PCDHGA4: variants seen among roughly 807,000 people sequenced by gnomAD.
PCDHGA4 encodes protocadherin gamma-A4.
In PCDHGA4, 38 loss-of-function variants were observed where a neutral mutation model predicts 54.6. The observed-to-expected ratio is 0.70, with a 90% CI of 0.54 to 0.91. The LOEUF (loss-of-function observed/expected upper bound fraction) is 0.91. PCDHGA4 is among the 40% of genes least tolerant of loss of function. The pLI, the probability that PCDHGA4 is intolerant of heterozygous loss-of-function variation, is 0.00. For missense variants in PCDHGA4, 1,298 were observed against 1,220.9 expected (o/e 1.06, Z -0.94); for synonymous variants, 511 against 512.9 (o/e 1.00, Z 0.05).
At chr5:141,382,188 C>A (rs1009846367) in intron 1 of PCDHGA4, among the ~76,000 whole-genome samples, 4 of 152,052 alleles carry the variant, frequency 2.6e-5, no homozygotes, top group Non-Finnish European at 4.4e-5. Context: ...AGGTTCTATA[C>A]AATCAAAAAT....
chr5:141,417,791 C>G, intron 1 of PCDHGA4: 1 of 1,482,658 alleles, frequency 6.7e-7, no homozygotes, highest in Non-Finnish European at 9.0e-7. Context: ...GCCGAATGCT[C>G]TTTTAGCGCG....
intron 1 of PCDHGA4, chr5:141,441,889 GT>G: frequency 2.9e-6 from 1 of 346,022 alleles, no homozygotes; most frequent in South Asian, 2.6e-5. Flanking sequence ...GGTCACCAAG[GT>G]GGTGGCTGTA....
At chr5:141,410,049 T>A in intron 1 of PCDHGA4, 1 of 1,613,184 alleles carries the variant, frequency 6.2e-7, no homozygotes, top group Admixed American at 1.7e-5. Flanking sequence ...GAGCCCGGAC[T>A]CTTCAGCCTG....
At chr5:141,370,462 C>G in intron 1 of PCDHGA4, 12 of 1,612,864 alleles carry the variant, frequency 7.4e-6, no homozygotes, top group Non-Finnish European at 8.5e-6. Context: ...TTCCTGCTCT[C>G]TTTGTTAGAC....
Position 141,421,259 on chromosome 5 carries a change from G to C in PCDHGA4, c.2514+63638G>C. The C allele has an allele frequency of 6.2e-7, 1 of 1,609,254 alleles. No individual in the cohort carries two copies. The highest frequency in any genetic ancestry group is 8.5e-7 in the Non-Finnish European group (1 of 1,178,538). The stretch of plus-strand genomic sequence containing the variant: ...AATCGGCTACAGCGCGGGGACCGCA[G>C]TCGGCTGCTGCTGCTGCTGTGCATT... On this transcript the variant is annotated intron_variant, in intron 1 of 3. Transcript: ENST00000571252.
intron 1 of PCDHGA4, chr5:141,360,957 C>G: frequency 1.2e-6 from 2 of 1,613,904 alleles, no homozygotes; most frequent in Non-Finnish European, 1.7e-6. Context: ...AAGGCATAAA[C>G]GCAGAGATCA....
chr5:141,428,111 C>G (rs760446304), intron 1 of PCDHGA4: 2 of 1,607,622 alleles, frequency 1.2e-6, no homozygotes, highest in Non-Finnish European at 1.7e-6. Context: ...TGCTGCAGGC[C>G]ATCGAGCCCG....
At chr5:141,434,691 A>G (rs1263712056) in intron 1 of PCDHGA4, among the ~76,000 whole-genome samples, 2 of 152,150 alleles carry the variant, frequency 1.3e-5, no homozygotes. Flanking sequence ...GCTTGCTGTT[A>G]ATAAATATGT....
At chr5:141,427,890 G>A in intron 1 of PCDHGA4, 1 of 1,566,844 alleles carries the variant, frequency 6.4e-7, no homozygotes, top group Non-Finnish European at 8.7e-7. Flanking sequence ...CCACGACCAG[G>A]GCTCGCCCGC....
At chr5:141,377,569 C>A (rs1774120455) in intron 1 of PCDHGA4, 1 of 151,048 alleles carries the variant, frequency 6.6e-6, no homozygotes, top group African/African-American at 2.4e-5. Context: ...GCACCCTAGC[C>A]TGGGAGACAG....
rs147534370 is a variant in PCDHGA4 at position 141,511,170 on chromosome 5, G to A, written c.2886G>A (p.Lys962=). ...AGAAGTCGGGCAAGAAGGAGAAGAA[G>A]TAACATGGAGGCCAGGCCAAGAGCC... ...NKKKSGKKEK[K] The change falls in exon 4 of 4, where the codon AAG becomes AAA. Residue 962 remains lysine (K), a synonymous_variant. Coordinates refer to ENST00000571252, the MANE Select transcript of PCDHGA4 (RefSeq NM_018917.4). 1.9e-6 allele frequency: 3 copies of A among 1,613,988 alleles called. No homozygotes were observed. The highest frequency in any genetic ancestry group is 2.5e-6 in the Non-Finnish European group (3 of 1,179,990).
At position 141,357,235 on chromosome 5, in the gene PCDHGA4, A is replaced by C; in HGVS notation, c.2128A>C (p.Lys710Gln). Reference protein sequence around the residue: ...PDVLADLGSLKPSADPDDSGL... With the variant: ...PDVLADLGSLQPSADPDDSGL... ...TGTCCTGGCTGACTTGGGCAGCCTC[A>C]AGCCTTCAGCAGACCCAGACGACTC... Residue 710 changes from lysine (K) to glutamine (Q), a missense_variant, in exon 1 of 4, where the codon AAG becomes CAG. Transcript: ENST00000571252. The C allele has an allele frequency of 6.2e-7, 1 of 1,613,530 alleles. No homozygotes were observed. The highest frequency in any genetic ancestry group is 8.5e-7 in the Non-Finnish European group (1 of 1,179,758).
intron 1 of PCDHGA4, among the ~76,000 whole-genome samples, chr5:141,457,289 G>A (rs907200077): frequency 2.0e-5 from 3 of 152,146 alleles, no homozygotes; most frequent in Non-Finnish European, 4.4e-5. Context: ...GAAGTTCCTT[G>A]GTTTTATTTT....
chr5:141,376,763 T>A (rs1300525391), intron 1 of PCDHGA4: 1 of 425,102 alleles, frequency 2.4e-6, no homozygotes. Context: ...CTCGGCTCAC[T>A]GCAAGCTCCG....
intron 1 of PCDHGA4, chr5:141,400,483 C>G (rs748464990): frequency 1.4e-5 from 22 of 1,613,902 alleles, no homozygotes; most frequent in Non-Finnish European, 1.7e-5. Context: ...GGCCTTATTT[C>G]CACTTTGTAA....
At position 141,355,944 on chromosome 5, in the gene PCDHGA4, C is replaced by A; in HGVS notation, c.837C>A (p.His279Gln). The change falls in exon 1 of 4, where the codon CAC becomes CAA. Residue 279 changes from histidine (H) to glutamine (Q), a missense_variant. Coordinates refer to ENST00000571252, the MANE Select transcript of PCDHGA4 (RefSeq NM_018917.4). ...CCGTGTTCACTCAGCCCGAGTACCA[C>A]GTAAGTGTTCGTGAGAACGTTCCTG... Reference protein sequence around the residue: ...NAPVFTQPEYHVSVRENVPVG... With the variant: ...NAPVFTQPEYQVSVRENVPVG... 6.2e-7 allele frequency: 1 copy of A among 1,613,864 alleles called. No homozygotes were observed. The highest frequency in any genetic ancestry group is 8.5e-7 in the Non-Finnish European group (1 of 1,179,864).
At chr5:141,360,595 C>T (rs972371698) in intron 1 of PCDHGA4, 2 of 1,614,020 alleles carry the variant, frequency 1.2e-6, no homozygotes, top group African/African-American at 1.3e-5. Context: ...AACATTTCCA[C>T]TTGACCCAGC....
chr5:141,375,428 C>T, intron 1 of PCDHGA4: 1 of 1,613,984 alleles, frequency 6.2e-7, no homozygotes, highest in Non-Finnish European at 8.5e-7. Flanking sequence ...CAACGACAAC[C>T]CGCCCACCTT....
chr5:141,367,002 T>A (rs1764897484), intron 1 of PCDHGA4: 3 of 451,252 alleles, frequency 6.6e-6, no homozygotes. Context: ...TATAATCATT[T>A]TACCCAAATA....
Sources: allele counts gnomAD v4.1 joint callset (sites outside exome capture counted in the v4.1 genomes callset), GRCh38; gene constraint gnomAD v4.1.1; transcripts MANE v1.5; gene names NCBI Gene and HGNC (gene_info 2026-07-23, HGNC 2026-07-21).